Variants in TRUB2 observed in about 807,000 individuals in gnomAD.
TRUB2 encodes the protein TruB pseudouridine synthase family member 2.
In TRUB2, 31 loss-of-function variants were observed where a neutral mutation model predicts 31.9. The ratio of observed to expected loss-of-function variants is 0.97; its 90% CI spans 0.73 to 1.31. The LOEUF (loss-of-function observed/expected upper bound fraction) is 1.31, where lower values mean the gene tolerates loss of function less well. Among genes scored for constraint, TRUB2 ranks in the 50% most tolerant of loss-of-function variants. TRUB2 has a pLI of 0.00. For synonymous variants in TRUB2, 201 were observed against 182.6 expected (o/e 1.10, Z -0.81); for missense variants, 451 against 439.6 (o/e 1.03, Z -0.23).
chr9:128,313,535 CAAAAA>C (rs563876862), intron 5 of TRUB2, among the ~76,000 whole-genome samples: 1 of 79,220 alleles, frequency 1.3e-5, no homozygotes, highest in Non-Finnish European at 2.8e-5. Context: ...GACTCCGTCT[CAAAAA>C]AAAAAAAAAA....
chr9:128,313,191 T>G (rs1312728124), intron 5 of TRUB2, among the ~76,000 whole-genome samples: 1 of 145,628 alleles, frequency 6.9e-6, no homozygotes, highest in African/African-American at 2.6e-5. Flanking sequence ...CACTCCAGCC[T>G]GGGCGACAGA....
chr9:128,314,857 T>C (rs1240037850), intron 4 of TRUB2, among the ~76,000 whole-genome samples: 1 of 152,132 alleles, frequency 6.6e-6, no homozygotes, highest in African/African-American at 2.4e-5. Context: ...GGATTACAGG[T>C]ATGAGTCACC....
chr9:128,309,354 G>A lies in TRUB2; in HGVS notation c.*196C>T. On this transcript the variant is annotated 3_prime_UTR_variant, in exon 8 of 8. Transcript: ENST00000372890. ...CCAATACTTTCTATCAGTCTGTCATGTTTACTGTCTTTTCCTCCATACAGA... is the reference window on the plus strand; with the variant it reads ...CCAATACTTTCTATCAGTCTGTCATATTTACTGTCTTTTCCTCCATACAGA... 5 of 608,816 alleles carry A rather than the reference G, an allele frequency of 8.2e-6. No homozygotes were observed. The highest frequency in any genetic ancestry group is 1.1e-5 in the Non-Finnish European group (4 of 349,446). The allele number at this position is 608,816 out of a possible 1,614,324, so 37.7% of individuals were successfully genotyped here. A position where few individuals can be genotyped will look rare whatever the true frequency, so the allele number is the denominator to read the frequency against.
chr9:128,322,425 AC>A lies in TRUB2; in HGVS notation c.-18del. 1 of 1,613,148 alleles carries A rather than the reference AC, an allele frequency of 6.2e-7. No individual in the cohort carries two copies. Among genetic ancestry groups the A allele is most frequent in the Non-Finnish European group, 8.5e-7 (1 of 1,179,330 alleles). On this transcript the variant is annotated 5_prime_UTR_variant, in exon 1 of 8. Coordinates refer to ENST00000372890, the MANE Select transcript of TRUB2 (RefSeq NM_015679.3). The stretch of plus-strand genomic sequence containing the variant: ...AGACCCCATACTTGAAGATCACAGC[AC>A]CCGCTGGACCTGGACGGAAGTACCG...
intron 5 of TRUB2, among the ~76,000 whole-genome samples, chr9:128,312,615 A>G (rs796349298): frequency 7.9e-6 from 1 of 126,712 alleles, no homozygotes; most frequent in Non-Finnish European, 1.7e-5. Context: ...TATTATTATT[A>G]TTTTTTTTTT....
chr9:128,319,737 C>T (rs1454180168), intron 2 of TRUB2, among the ~76,000 whole-genome samples: 3 of 149,252 alleles, frequency 2.0e-5, no homozygotes, highest in Admixed American at 1.3e-4. Flanking sequence ...CTCCCAGGTT[C>T]GTGCGACTCC....
intron 2 of TRUB2, 76 bp downstream of exon 2, chr9:128,321,523 T>C (rs376466013): frequency 1.2e-6 from 2 of 1,602,628 alleles, no homozygotes; most frequent in East Asian, 2.2e-5. Context: ...CACAGGAATC[T>C]GAGCACTGGG....
In TRUB2 at chr9:128,317,182, G is replaced by C; in HGVS notation, c.286C>G (p.Arg96Gly). ...FAHLKVGVGH[R>G]LDAQASGVLV... ...ACTCCAGAAGCCTGGGCATCCAACC[G>C]ATGTCCCACGCCAACCTTGAGATGG... Residue 96 changes from arginine to glycine, a missense_variant, in exon 3 of 8, where the codon CGG (arginine) becomes GGG (glycine). Transcript: ENST00000372890. 1 of 1,591,934 alleles carries C rather than the reference G, an allele frequency of 6.3e-7. No homozygotes were observed. Among genetic ancestry groups the C allele is most frequent in the Non-Finnish European group, 8.6e-7 (1 of 1,167,436 alleles).
intron 5 of TRUB2, among the ~76,000 whole-genome samples, chr9:128,313,600 TAG>T (rs1220672384): frequency 6.7e-6 from 1 of 150,292 alleles, no homozygotes; most frequent in African/African-American, 2.5e-5. Flanking sequence ...GGAGAGAAAC[TAG>T]AGTCTTTGGA....
Position 128,308,212 on chromosome 9 carries a change from GGAGT to G in TRUB2, c.*1334_*1337del, listed in dbSNP as rs1342455165. On this transcript the variant is annotated 3_prime_UTR_variant, in exon 8 of 8. Transcript: ENST00000372890. ...GCCACTGCACTCCAACCTGGATGAC[GGAGT>G]GAGACTCCGTCTCAGAAAAAAAAAA... 6.9e-6 allele frequency: 1 copy of G among 145,834 alleles called. No homozygotes were observed. Among genetic ancestry groups the G allele is most frequent in the East Asian group, 2.1e-4 (1 of 4,836 alleles). 9.0% of individuals were successfully genotyped at this position (145,834 alleles called of 1,614,324 possible).
chr9:128,311,486 G>A (rs748265895), intron 6 of TRUB2, 43 bp downstream of exon 6: 3 of 1,598,916 alleles, frequency 1.9e-6, no homozygotes, highest in African/African-American at 1.3e-5. Flanking sequence ...GGAGCCAAGG[G>A]CACTTACTGC....
intron 7 of TRUB2, 41 bp downstream of exon 7, chr9:128,310,846 C>T (rs202187179): frequency 1.1e-3 from 1,729 of 1,611,144 alleles, no homozygotes; most frequent in Non-Finnish European, 1.4e-3. Flanking sequence ...CCCAAACCTA[C>T]GGGTCCCATC....
chr9:128,315,562 C>T lies in TRUB2; in HGVS notation c.378+5G>A, dbSNP rs750613546. The T allele has an allele frequency of 1.3e-5, 21 of 1,612,826 alleles. 1 individual carries two copies. In the East Asian group the frequency reaches 2.9e-4, roughly 22 times the overall value. ...GAGAAGCAGGCTGTCCCCAGACCCT[C>T]GTACCTTGGTAAGATGAGCATTGTA... On this transcript the variant is annotated splice_donor_5th_base_variant and intron_variant, in intron 4 of 7. Coordinates refer to ENST00000372890, the MANE Select transcript of TRUB2 (RefSeq NM_015679.3).
intron 5 of TRUB2, among the ~76,000 whole-genome samples, chr9:128,312,831 C>A (rs1831996811): frequency 6.6e-6 from 1 of 151,890 alleles, no homozygotes; most frequent in Non-Finnish European, 1.5e-5. Context: ...CCAGGCTGGT[C>A]TCAAACTCCT....
intron 2 of TRUB2, among the ~76,000 whole-genome samples, chr9:128,319,136 C>T (rs1411924415): frequency 6.6e-6 from 1 of 151,958 alleles, no homozygotes; most frequent in Non-Finnish European, 1.5e-5. Flanking sequence ...ACTATCCTGC[C>T]TAACATGGTG....
chr9:128,317,191 C>G lies in TRUB2; in HGVS notation c.277G>C (p.Val93Leu), dbSNP rs2072394. ...GCCTGGGCATCCAACCGATGTCCCA[C>G]GCCAACCTTGAGATGGGCGAATGCT... is the stretch of plus-strand genomic sequence containing the variant. ...GPAFAHLKVG[V>L]GHRLDAQASG... The change falls in exon 3 of 8, where the codon GTG (valine) becomes CTG (leucine). Residue 93 changes from valine (V) to leucine (L), a missense_variant. Physicochemically the swap from Val to Leu is conservative, Grantham distance 32. Coordinates refer to ENST00000372890, the MANE Select transcript of TRUB2 (RefSeq NM_015679.3). The G allele has an allele frequency of 1.4e-3, 2,177 of 1,594,708 alleles. 50 individuals carry two copies. In the East Asian group the frequency reaches 0.044, roughly 32 times the overall value.
At position 128,321,860 on chromosome 9, in the gene TRUB2, A is replaced by T. The variant is rs1588532615; in HGVS notation, c.110-130T>A. On this transcript the variant is annotated intron_variant, in intron 1 of 7. Transcript: ENST00000372890. ...AATGGCGCCATCATAGCTCACTGTA[A>T]CGTCAAACTCTTGGGCTCAAGCGAT... 7 of 1,038,812 alleles carry T rather than the reference A, an allele frequency of 6.7e-6. No individual in the cohort carries two copies. The East Asian group carries it at 1.8e-4, about 27-fold the overall frequency. 64.3% of individuals were successfully genotyped at this position (1,038,812 alleles called of 1,614,324 possible).
At position 128,321,634 on chromosome 9, in the gene TRUB2, G is replaced by T; in HGVS notation, c.206C>A (p.Ala69Asp). 1 of 1,614,078 alleles carries T rather than the reference G, an allele frequency of 6.2e-7. No individual in the cohort carries two copies. Among genetic ancestry groups the T allele is most frequent in the South Asian group, 1.1e-5 (1 of 91,074 alleles). Residue 69 changes from alanine (A) to aspartate (D), a missense_variant, in exon 2 of 8, where the codon GCC becomes GAC. Physicochemically the swap from Ala to Asp is moderately radical, Grantham distance 126. Coordinates refer to ENST00000372890, the MANE Select transcript of TRUB2 (RefSeq NM_015679.3). The part of the protein sequence containing the change: ...GSEEKELTLT[A>D]TSVPSFINHP... ...GTTGATGAAAGAGGGTACGCTGGTGGCTGTGAGGGTCAGCTCCTTCTCTTC... is the reference window on the plus strand; with the variant it reads ...GTTGATGAAAGAGGGTACGCTGGTGTCTGTGAGGGTCAGCTCCTTCTCTTC...
chr9:128,322,225 G>T lies in TRUB2; in HGVS notation c.109+75C>A, dbSNP rs2231629. ...GAATAGGTCACGTGATTTTGTTTTG[G>T]GGTAAGGACCAGAAGCGGAGATGGA... On this transcript the variant is annotated intron_variant, in intron 1 of 7. Coordinates refer to ENST00000372890, the MANE Select transcript of TRUB2 (RefSeq NM_015679.3). The T allele has an allele frequency of 1.0e-4, 133 of 1,294,906 alleles. 1 individual carries two copies. Among genetic ancestry groups the T allele is most frequent in the Admixed American group, 2.5e-4 (14 of 56,260 alleles). 80.2% of individuals were successfully genotyped at this position (1,294,906 alleles called of 1,614,324 possible).
Sources: gnomAD v4.1 joint callset for allele counts (sites outside exome capture counted in the v4.1 genomes callset) on GRCh38, gnomAD v4.1.1 for gene constraint, MANE v1.5 for transcripts, NCBI Gene and HGNC (gene_info 2026-07-23, HGNC 2026-07-21) for gene names.